CRIM1: variants seen among roughly 807,000 people sequenced by gnomAD.
CRIM1 encodes cysteine rich transmembrane BMP regulator 1, also known as cysteine-rich motor neuron 1 protein.
In CRIM1, 32 loss-of-function variants were observed where a neutral mutation model predicts 116.4. The ratio of observed to expected loss-of-function variants is 0.27; its 90% CI spans 0.21 to 0.37. The LOEUF (loss-of-function observed/expected upper bound fraction) is 0.37. CRIM1 is among the 10% of genes least tolerant of loss of function. CRIM1 has a pLI of 1.00. For synonymous variants in CRIM1, 590 were observed against 509.2 expected, an observed-to-expected ratio of 1.16 and a Z score of -2.13; for missense variants, 1,331 against 1,354.8, an observed-to-expected ratio of 0.98 and a Z score of 0.28.
intron 1 of CRIM1, among the ~76,000 whole-genome samples, chr2:36,395,891 G>A (rs1273742514): frequency 6.6e-6 from 1 of 152,156 alleles, no homozygotes; most frequent in Non-Finnish European, 1.5e-5. Context: ...AAGTTGAAGA[G>A]CTGTTTTAAA....
At chr2:36,406,998 T>C (rs1412544885) in intron 2 of CRIM1, among the ~76,000 whole-genome samples, 1 of 152,180 alleles carries the variant, frequency 6.6e-6, no homozygotes, top group Non-Finnish European at 1.5e-5. Flanking sequence ...TTCCCTTCCC[T>C]TGACCAAAGG....
intron 12 of CRIM1, 60 bp downstream of exon 12, chr2:36,517,602 C>T: frequency 2.0e-6 from 3 of 1,531,074 alleles, no homozygotes; most frequent in Non-Finnish European, 2.7e-6. Flanking sequence ...TGGGTGTTGT[C>T]ATTCTGTGGG....
chr2:36,411,241 GGT>G (rs1357894901), intron 2 of CRIM1, among the ~76,000 whole-genome samples: 5 of 152,080 alleles, frequency 3.3e-5, no homozygotes, highest in Non-Finnish European at 7.4e-5. Context: ...ATTATTATGT[GGT>G]GTTAACACTT....
intron 2 of CRIM1, among the ~76,000 whole-genome samples, chr2:36,399,604 A>G (rs185068475): frequency 6.6e-6 from 1 of 152,354 alleles, no homozygotes; most frequent in African/African-American, 2.4e-5. Context: ...TACTGAAAAT[A>G]GGGGTAATTA....
At chr2:36,525,405 T>A (rs1199933699) in intron 13 of CRIM1, among the ~76,000 whole-genome samples, 1 of 152,192 alleles carries the variant, frequency 6.6e-6, no homozygotes. Flanking sequence ...GGTCCCTATA[T>A]AAGGGTGCCA....
rs188554284 is a variant in CRIM1 at position 36,479,528 on chromosome 2, C to G, written c.1206C>G (p.Gly402=). 278 of 1,614,220 alleles carry G rather than the reference C, an allele frequency of 1.7e-4. No individual in the cohort carries two copies. The Admixed American group carries it at 4.6e-3, about 27-fold the overall frequency. ...DPVYPFNNPA[G]CYANGLILAH... ...TGTATCCTTTTAATAATCCCGCTGG[C>G]TGCTATGCCAATGGCCTGATCCTTG... Residue 402 remains glycine (G), a synonymous_variant, in exon 7 of 17, where the codon GGC becomes GGG. Transcript: ENST00000280527.
At chr2:36,392,113 T>C (rs1469975593) in intron 1 of CRIM1, among the ~76,000 whole-genome samples, 5 of 152,334 alleles carry the variant, frequency 3.3e-5, no homozygotes, top group East Asian at 3.9e-4. Context: ...AAAAGTGTTA[T>C]ATTTCAAGAT....
intron 1 of CRIM1, 27 bp from the exon 2 acceptor site, chr2:36,396,587 A>G (rs1339299927): frequency 1.3e-5 from 20 of 1,514,304 alleles, no homozygotes; most frequent in Non-Finnish European, 1.6e-5. Flanking sequence ...GCAAACACAC[A>G]TTATCTGGTT....
At chr2:36,395,171 T>C (rs1294884727) in intron 1 of CRIM1, among the ~76,000 whole-genome samples, 1 of 152,100 alleles carries the variant, frequency 6.6e-6, no homozygotes, top group Non-Finnish European at 1.5e-5. Context: ...TGCGCCACCA[T>C]GTCCAGCTAA....
In CRIM1 at chr2:36,355,788, C is replaced by G. The variant is rs1455872921; in HGVS notation, c.-505C>G. On this transcript the variant is annotated 5_prime_UTR_variant, in exon 1 of 17. Coordinates refer to ENST00000280527, the MANE Select transcript of CRIM1 (RefSeq NM_016441.3). ...CCGGAGGAGCGGCGCAGGAGTGAGG[C>G]GAGCGGGGCGCGCGGAGCGGACGCC... is the stretch of plus-strand genomic sequence containing the variant. 1 of 151,392 alleles carries G rather than the reference C, an allele frequency of 6.6e-6. No homozygotes were observed. Among genetic ancestry groups the G allele is most frequent in the Non-Finnish European group, 1.5e-5 (1 of 67,816 alleles). The allele number at this position is 151,392 out of a possible 1,614,324, so 9.4% of individuals were successfully genotyped here. A position where few individuals can be genotyped will look rare whatever the true frequency, so the allele number is the denominator to read the frequency against.
intron 13 of CRIM1, among the ~76,000 whole-genome samples, chr2:36,534,391 G>GGGAA (rs1053896499): frequency 7.3e-6 from 1 of 137,572 alleles, no homozygotes; most frequent in Admixed American, 7.2e-5. Flanking sequence ...GGGAGGGAGG[G>GGGAA]GGAAGGAAGG....
intron 2 of CRIM1, among the ~76,000 whole-genome samples, chr2:36,432,041 G>A (rs1674935655): frequency 6.6e-6 from 1 of 152,184 alleles, no homozygotes; most frequent in Non-Finnish European, 1.5e-5. Flanking sequence ...TTATGCCTCT[G>A]TGACATTTTC....
At chr2:36,510,233 C>A (rs1664559447) in intron 9 of CRIM1, 94 bp downstream of exon 9, 9 of 1,252,584 alleles carry the variant, frequency 7.2e-6, no homozygotes, top group Non-Finnish European at 7.9e-6. Context: ...GTGAATTAAT[C>A]TATGGTATAT....
At chr2:36,537,227 A>G (rs1222524545) in intron 13 of CRIM1, 125 bp from the exon 14 acceptor site, 2 of 888,860 alleles carry the variant, frequency 2.3e-6, no homozygotes, top group Non-Finnish European at 3.4e-6. Context: ...CAAAAGTTTC[A>G]CCAAGTTCCA....
At chr2:36,467,254 T>C (rs578203887) in intron 5 of CRIM1, among the ~76,000 whole-genome samples, 99 of 152,352 alleles carry the variant, frequency 6.5e-4, no homozygotes, top group African/African-American at 2.1e-3. Flanking sequence ...TCTATTGATA[T>C]ATCAGTCATT....
rs1289587830 is a variant in CRIM1, at chr2:36,394,429, A to G, written c.332-2185A>G. Reference sequence around the variant, plus strand: ...AAATCACTTGGATGCACATTTTGTTATAACTGAAGACAAATATCACCTTCT... The same window carrying G: ...AAATCACTTGGATGCACATTTTGTTGTAACTGAAGACAAATATCACCTTCT... On this transcript the variant is annotated intron_variant, in intron 1 of 16. Coordinates refer to ENST00000280527, the MANE Select transcript of CRIM1 (RefSeq NM_016441.3). Among the ~76,000 whole-genome samples the G allele has an allele frequency of 5.3e-5, 8 of 152,250 alleles. No homozygotes were observed. The East Asian group carries it at 1.4e-3, about 26-fold the overall frequency.
chr2:36,511,498 AAGT>A (rs1664676596), intron 9 of CRIM1, among the ~76,000 whole-genome samples: 1 of 152,216 alleles, frequency 6.6e-6, no homozygotes, highest in African/African-American at 2.4e-5. Flanking sequence ...ATATAAAATG[AAGT>A]AGTTGTATCA....
intron 14 of CRIM1, among the ~76,000 whole-genome samples, chr2:36,542,066 T>C (rs894924242): frequency 1.3e-5 from 2 of 152,176 alleles, no homozygotes; most frequent in African/African-American, 2.4e-5. Context: ...GAACTGGAGC[T>C]GTGCGTGTTC....
rs189723304 is a variant in CRIM1, at chr2:36,411,156, T to C, written c.505+14369T>C. Among the ~76,000 whole-genome samples, 938 of 152,350 alleles carry C rather than the reference T, an allele frequency of 6.2e-3. 5 individuals carry two copies. Among genetic ancestry groups the C allele is most frequent in the Non-Finnish European group, 7.1e-3 (482 of 68,036 alleles). ...GCCCTTTGGCATTTTGATTGCTAATTACAATAGGACCTTCAGATTGCCTTC... is the reference window on the plus strand; with the variant it reads ...GCCCTTTGGCATTTTGATTGCTAATCACAATAGGACCTTCAGATTGCCTTC... On this transcript the variant is annotated intron_variant, in intron 2 of 16. Transcript: ENST00000280527.
Sources: allele counts gnomAD v4.1 joint callset (sites outside exome capture counted in the v4.1 genomes callset), GRCh38; gene constraint gnomAD v4.1.1; transcripts MANE v1.5; gene names NCBI Gene and HGNC (gene_info 2026-07-23, HGNC 2026-07-21).